PKD1: variants seen among roughly 807,000 people sequenced by gnomAD.
The protein encoded by PKD1 is polycystin 1, transient receptor potential channel interacting.
Under a neutral mutation model 361.7 loss-of-function variants are expected in PKD1, and 81 were observed. That is an observed-to-expected ratio of 0.22 (90% CI 0.19 to 0.27). The LOEUF is 0.27. Ranked by LOEUF, PKD1 falls within the 10% of genes least tolerant of loss-of-function variation. PKD1 has a pLI of 1.00. For missense variants in PKD1, 6,399 were observed against 6,118.3 expected (o/e 1.05, Z -1.53); for synonymous variants, 3,615 against 2,818.3 (o/e 1.28, Z -8.95).
intron 37 of PKD1, 90 bp from the exon 38 acceptor site, chr16:2,093,183 G>A (rs1192394939): frequency 1.3e-6 from 2 of 1,500,340 alleles, no homozygotes; most frequent in African/African-American, 1.4e-5. Flanking sequence ...GGCTGCGGCA[G>A]GTGTGGCTGC....
At chr16:2,095,615 C>T (rs1249584298) in intron 34 of PKD1, among the ~76,000 whole-genome samples, 1 of 152,194 alleles carries the variant, frequency 6.6e-6, no homozygotes, top group Non-Finnish European at 1.5e-5. Context: ...AGGCCGTGCT[C>T]TGCGTTGGGA....
chr16:2,097,488 G>A lies in PKD1; in HGVS notation c.10236C>T (p.Pro3412=), dbSNP rs888298884. Residue 3412 remains proline (P), a synonymous_variant, in exon 33 of 46, where the codon CCC becomes CCT. Transcript: ENST00000262304. ...LDDSKSLVCW[P]SGEGTLSWPD... is the part of the protein sequence containing the mutation. ...GCCAACTGAGCGTTCCCTCGCCGGA[G>A]GGCCAGCACACCAGACTGCAGGTGG... The A allele has an allele frequency of 6.2e-7, 1 of 1,602,128 alleles. No individual in the cohort carries two copies. The highest frequency in any genetic ancestry group is 1.1e-5 in the South Asian group (1 of 91,014).
At position 2,090,842 on chromosome 16, in the gene PKD1, G is replaced by C. The variant is rs117865497; in HGVS notation, c.12004-34C>G. 2.5e-6 allele frequency: 4 copies of C among 1,610,614 alleles called. No homozygotes were observed. The Admixed American group carries it at 5.0e-5, about 20-fold the overall frequency. ...GAGAAATCTGTCTGCTTGCAGCCCTGGGGTGTGCGCCCAGCCCCGCGCCCA... is the reference window on the plus strand; with the variant it reads ...GAGAAATCTGTCTGCTTGCAGCCCTCGGGTGTGCGCCCAGCCCCGCGCCCA... On this transcript the variant is annotated intron_variant, in intron 43 of 45. Coordinates refer to ENST00000262304, the MANE Select transcript of PKD1 (RefSeq NM_001009944.3).
chr16:2,090,477 G>T lies in PKD1; in HGVS notation c.12252C>A (p.Pro4084=). Residue 4084 remains proline, a synonymous_variant, in exon 45 of 46, where the codon CCC becomes CCA. Coordinates refer to ENST00000262304, the MANE Select transcript of PKD1 (RefSeq NM_001009944.3). ...GTGCCCAGAGCCCCACACACAGCAG[G>T]GGTGACAGGTGCCAGGACTCGGCAG... ...LCPAESWHLS[P]LLCVGLWALR... The T allele has an allele frequency of 6.2e-7, 1 of 1,612,202 alleles. No homozygotes were observed. The highest frequency in any genetic ancestry group is 1.1e-5 in the South Asian group (1 of 91,056).
At chr16:2,093,496 G>C (rs1459120644) in intron 37 of PKD1, 48 bp downstream of exon 37, 2 of 1,527,364 alleles carry the variant, frequency 1.3e-6, no homozygotes, top group South Asian at 2.4e-5. Flanking sequence ...TGGGAGGTGG[G>C]AGACAAGAGA....
At chr16:2,130,073 G>A (rs369674755) in intron 1 of PKD1, among the ~76,000 whole-genome samples, 1 of 152,160 alleles carries the variant, frequency 6.6e-6, no homozygotes, top group East Asian at 1.9e-4. Context: ...GTGAGCGTGT[G>A]ACTTCTTGTC....
intron 34 of PKD1, among the ~76,000 whole-genome samples, chr16:2,096,475 T>A (rs1244421707): frequency 6.6e-6 from 1 of 152,272 alleles, no homozygotes; most frequent in Non-Finnish European, 1.5e-5. Flanking sequence ...AACCTCTATA[T>A]GACCATTTGT....
intron 1 of PKD1, chr16:2,123,570 C>T (rs571253996): frequency 3.7e-5 from 17 of 454,068 alleles, no homozygotes; most frequent in Admixed American, 3.1e-4. Context: ...CCCCCCACCC[C>T]GCCCCTCGGG....
rs371541730 is a variant in PKD1, at chr16:2,103,871, G to C, written c.8186C>G (p.Ser2729Trp). 2 of 1,599,960 alleles carry C rather than the reference G, an allele frequency of 1.3e-6. No homozygotes were observed. The highest frequency in any genetic ancestry group is 2.2e-5 in the South Asian group (2 of 90,012). Reference sequence around the variant, plus strand: ...TGAGGGCTGTGGTGCCCGCACGTCCGAGCTGGCCAGGTGGATGAGGTCTCC... The same window carrying C: ...TGAGGGCTGTGGTGCCCGCACGTCCCAGCTGGCCAGGTGGATGAGGTCTCC... The part of the protein sequence containing the change: ...ITGDLIHLAS[S>W]DVRAPQPSEL... The change falls in exon 23 of 46, where the codon TCG (serine) becomes TGG (tryptophan). Residue 2729 changes from serine to tryptophan, a missense_variant. Transcript: ENST00000262304.
Position 2,098,968 on chromosome 16 carries a change from C to A in PKD1, c.10050+676G>T, listed in dbSNP as rs1346420341. The A allele has an allele frequency of 2.5e-5, 4 of 163,072 alleles. No homozygotes were observed. In the South Asian group the frequency reaches 5.9e-4, roughly 24 times the overall value. The allele number at this position is 163,072 out of a possible 1,614,324, so 10.1% of individuals were successfully genotyped here. On this transcript the variant is annotated intron_variant, in intron 30 of 45. Coordinates refer to ENST00000262304, the MANE Select transcript of PKD1 (RefSeq NM_001009944.3). Reference sequence around the variant, plus strand: ...GCCTCAGCCTCTCGAGTAGCTGGGACTACAGGCGCCCGCCACCATGCCCAG... The same window carrying A: ...GCCTCAGCCTCTCGAGTAGCTGGGAATACAGGCGCCCGCCACCATGCCCAG...
At chr16:2,116,699 G>A (rs1034475397) in intron 7 of PKD1, 55 bp from the exon 8 acceptor site, 14 of 1,221,306 alleles carry the variant, frequency 1.1e-5, no homozygotes, top group Admixed American at 2.0e-5. Context: ...ACACCAGGAC[G>A]AACAGACTGG....
Position 2,091,568 on chromosome 16 carries a change from C to T in PKD1, c.11567G>A (p.Arg3856His). The change falls in exon 42 of 46, where the codon CGC (arginine) becomes CAC (histidine). Residue 3856 changes from arginine to histidine, a missense_variant. Coordinates refer to ENST00000262304, the MANE Select transcript of PKD1 (RefSeq NM_001009944.3). The part of the protein sequence containing the change: ...RSRAVFLELT[R>H]YSPAVGLHAA... ...GTGCAGCCCCACGGCCGGGCTGTAG[C>T]GCGTGAGCTCCAGGAACACAGCGCG... 1.3e-6 allele frequency: 2 copies of T among 1,546,292 alleles called. No homozygotes were observed. Among genetic ancestry groups the T allele is most frequent in the Non-Finnish European group, 1.7e-6 (2 of 1,156,404 alleles).
chr16:2,093,955 G>T lies in PKD1; in HGVS notation c.10677C>A (p.His3559Gln), dbSNP rs978561599. 1 of 1,586,316 alleles carries T rather than the reference G, an allele frequency of 6.3e-7. No individual in the cohort carries two copies. Among genetic ancestry groups the T allele is most frequent in the Non-Finnish European group, 8.5e-7 (1 of 1,169,914 alleles). ...LLPAWCASLA[H>Q]GLSLLLVAVA... Reference sequence around the variant, plus strand: ...CAGCCACCAGGAGCAGGCTGAGCCCGTGGGCCAGGGAGGCACACCAGGCCG... The same window carrying T: ...CAGCCACCAGGAGCAGGCTGAGCCCTTGGGCCAGGGAGGCACACCAGGCCG... The change falls in exon 36 of 46, where the codon CAC (histidine) becomes CAA (glutamine). Residue 3559 changes from histidine (H) to glutamine (Q), a missense_variant. By Grantham distance (24) the His-to-Gln change is conservative. Transcript: ENST00000262304.
In PKD1 at chr16:2,111,740, G is replaced by A. The variant is rs767297398; in HGVS notation, c.3427C>T (p.Pro1143Ser). 1.3e-6 allele frequency: 2 copies of A among 1,598,864 alleles called. No homozygotes were observed. Among genetic ancestry groups the A allele is most frequent in the Non-Finnish European group, 1.7e-6 (2 of 1,174,314 alleles). The change falls in exon 15 of 46, where the codon CCC becomes TCC. Residue 1143 changes from proline to serine, a missense_variant. Pro to Ser is a moderately conservative substitution (Grantham distance 74, BLOSUM62 -1). Coordinates refer to ENST00000262304, the MANE Select transcript of PKD1 (RefSeq NM_001009944.3). ...AGCGGGTGCGGGTAGAAGGTGACGG[G>A]CCGGCCGGCCACCAGGACGCCGTCA... ...VSDGVLVAGR[P>S]VTFYPHPLPS...
In PKD1 at chr16:2,105,358, G is replaced by A. The variant is rs750707553; in HGVS notation, c.7980C>T (p.Asp2660=). ...CCAGCGCAGCAGCGATCTGCTGGAT[G>A]TCATCCACAGTGTGGACCCTCAGGG... is the stretch of plus-strand genomic sequence containing the variant. ...LVSLRVHTVD[D]IQQIAAALAQ... is the part of the protein sequence containing the mutation. Residue 2660 remains aspartate (D), a synonymous_variant, in exon 21 of 46, where the codon GAC becomes GAT. Transcript: ENST00000262304. 6 of 1,592,010 alleles carry A rather than the reference G, an allele frequency of 3.8e-6. No homozygotes were observed. The East Asian group carries it at 6.7e-5, about 18-fold the overall frequency.
chr16:2,129,469 GCCGA>G lies in PKD1; in HGVS notation c.215+6002_215+6005del, dbSNP rs539219521. On this transcript the variant is annotated intron_variant, in intron 1 of 45. Coordinates refer to ENST00000262304, the MANE Select transcript of PKD1 (RefSeq NM_001009944.3). ...TTACGTTTCCCTCATGACTAATGAG[GCCGA>G]CCATCTTCTCACACGCTGTTGGCCA... 5.3e-3 allele frequency among the ~76,000 whole-genome samples: 798 copies of G among 151,758 alleles called. 5 individuals are homozygous for G. The highest frequency in any genetic ancestry group is 0.018 in the African/African-American group (735 of 41,336).
chr16:2,089,560 A>G lies in PKD1; in HGVS notation c.*167T>C. The G allele has an allele frequency of 3.6e-6, 3 of 836,346 alleles. No individual in the cohort carries two copies. Among genetic ancestry groups the G allele is most frequent in the East Asian group, 2.7e-5 (1 of 37,190 alleles). 51.8% of individuals were successfully genotyped at this position (836,346 alleles called of 1,614,324 possible). ...GACCCTGGGTCCTGGTTGGCCACAC[A>G]GCCTCTTTAAAGTGCTGAAGCCCAC... On this transcript the variant is annotated 3_prime_UTR_variant, in exon 46 of 46. Coordinates refer to ENST00000262304, the MANE Select transcript of PKD1 (RefSeq NM_001009944.3).
chr16:2,108,125 C>A, intron 15 of PKD1, 93 bp from the exon 16 acceptor site: 1 of 1,503,360 alleles, frequency 6.7e-7, no homozygotes, highest in Non-Finnish European at 9.2e-7. Context: ...GAGACCCCCT[C>A]CCCATGCTGG....
At chr16:2,127,328 G>A (rs1029756154) in intron 1 of PKD1, among the ~76,000 whole-genome samples, 3 of 152,196 alleles carry the variant, frequency 2.0e-5, no homozygotes, top group Non-Finnish European at 2.9e-5. Context: ...ACCAGAACGC[G>A]TCAAAAGGCA....
Sources: allele counts gnomAD v4.1 joint callset (sites outside exome capture counted in the v4.1 genomes callset), GRCh38; gene constraint gnomAD v4.1.1; transcripts MANE v1.5; gene names NCBI Gene and HGNC (gene_info 2026-07-23, HGNC 2026-07-21).